ST8SIA6: variants seen among roughly 807,000 people sequenced by gnomAD.
ST8SIA6 encodes the protein alpha-2,8-sialyltransferase 8F.
ST8SIA6 carries 39 observed loss-of-function variants against 33.6 expected under a neutral mutation model. The observed-to-expected ratio is 1.16, with a 90% CI of 0.90 to 1.52. The LOEUF is 1.52. Among genes scored for constraint, ST8SIA6 ranks in the 40% most tolerant of loss-of-function variants. ST8SIA6 has a pLI of 0.00. For missense variants in ST8SIA6, 441 were observed against 443.8 expected, an observed-to-expected ratio of 0.99 and a Z score of 0.06; for synonymous variants, 172 against 167.2, an observed-to-expected ratio of 1.03 and a Z score of -0.22.
At chr10:17,370,794 G>A (rs1366294446) in intron 3 of ST8SIA6, among the ~76,000 whole-genome samples, 4 of 152,138 alleles carry the variant, frequency 2.6e-5, no homozygotes, top group Non-Finnish European at 5.9e-5. Context: ...TATTTGGGAA[G>A]CACTTGTAAG....
chr10:17,342,144 C>T (rs1003952086), intron 4 of ST8SIA6, among the ~76,000 whole-genome samples: 1 of 152,144 alleles, frequency 6.6e-6, no homozygotes, highest in Admixed American at 6.5e-5. Context: ...CAATTCAGCC[C>T]ACATTCACTG....
chr10:17,380,641 G>A (rs1326382619), intron 3 of ST8SIA6, among the ~76,000 whole-genome samples: 1 of 152,210 alleles, frequency 6.6e-6, no homozygotes, highest in African/African-American at 2.4e-5. Flanking sequence ...GCAGCATTTT[G>A]TCCTAGCTGA....
intron 2 of ST8SIA6, among the ~76,000 whole-genome samples, chr10:17,423,172 A>C (rs1851831176): frequency 6.6e-6 from 1 of 152,226 alleles, no homozygotes; most frequent in Non-Finnish European, 1.5e-5. Flanking sequence ...TTGAAACTGC[A>C]CCAGAAACAG....
intron 2 of ST8SIA6, among the ~76,000 whole-genome samples, chr10:17,416,700 C>G (rs552362369): frequency 1.4e-4 from 22 of 152,294 alleles, no homozygotes; most frequent in Non-Finnish European, 1.3e-4. Flanking sequence ...CACATCAGCT[C>G]TTGTCTGGAT....
intron 3 of ST8SIA6, among the ~76,000 whole-genome samples, chr10:17,365,866 T>C (rs1437869569): frequency 1.3e-5 from 2 of 152,234 alleles, no homozygotes; most frequent in African/African-American, 4.8e-5. Flanking sequence ...CAGCCATTTT[T>C]CATCCATTGA....
At chr10:17,428,406 T>C (rs1268895902) in intron 2 of ST8SIA6, among the ~76,000 whole-genome samples, 1 of 152,094 alleles carries the variant, frequency 6.6e-6, no homozygotes, top group Admixed American at 6.6e-5. Flanking sequence ...TATATGACCC[T>C]CCATAAATGC....
intron 2 of ST8SIA6, among the ~76,000 whole-genome samples, chr10:17,398,953 A>G (rs1850928440): frequency 6.6e-6 from 1 of 152,162 alleles, no homozygotes; most frequent in African/African-American, 2.4e-5. Flanking sequence ...CACATACACC[A>G]TGTAGTTTTC....
chr10:17,347,361 G>T (rs1435679545), intron 4 of ST8SIA6, among the ~76,000 whole-genome samples: 4 of 152,160 alleles, frequency 2.6e-5, no homozygotes, highest in African/African-American at 9.7e-5. Context: ...CAAGGGTCAT[G>T]CAGGGCTTTC....
chr10:17,444,737 G>A (rs112331046), intron 2 of ST8SIA6, among the ~76,000 whole-genome samples: 2 of 152,188 alleles, frequency 1.3e-5, no homozygotes, highest in African/African-American at 4.8e-5. Context: ...AACCTGGGAA[G>A]CAAATGTGAA....
chr10:17,419,814 A>C (rs75527451), intron 2 of ST8SIA6, among the ~76,000 whole-genome samples: 22 of 152,248 alleles, frequency 1.4e-4, no homozygotes, highest in African/African-American at 5.3e-4. Context: ...TTTTCCTACA[A>C]TCTTCTTACA....
chr10:17,379,417 G>A (rs148757281), intron 3 of ST8SIA6, among the ~76,000 whole-genome samples: 3 of 152,090 alleles, frequency 2.0e-5, no homozygotes, highest in South Asian at 4.1e-4. Flanking sequence ...CAGGAGTGTC[G>A]GGTCACACCT....
In ST8SIA6 at chr10:17,333,682, T is replaced by TATATAG. The variant is rs1564404731; in HGVS notation, c.378-2131_378-2130insCTATAT. Among the ~76,000 whole-genome samples the TATATAG allele has an allele frequency of 2.8e-3, 46 of 16,572 alleles. 3 individuals are homozygous for TATATAG. The highest frequency in any genetic ancestry group is 6.7e-3 in the African/African-American group (25 of 3,746). The allele number at this position is 16,572 out of a possible 152,430, so 10.9% of individuals were successfully genotyped here. The stretch of plus-strand genomic sequence containing the variant: ...AATAAATGGTGCTGGGATATATATA[T>TATATAG]ATATATATATATATATATATATATA... On this transcript the variant is annotated intron_variant, in intron 4 of 7. Coordinates refer to ENST00000377602, the MANE Select transcript of ST8SIA6 (RefSeq NM_001004470.3).
intron 3 of ST8SIA6, among the ~76,000 whole-genome samples, chr10:17,389,126 G>A (rs896092632): frequency 3.3e-5 from 5 of 151,968 alleles, no homozygotes; most frequent in Admixed American, 6.6e-5. Context: ...TCCCTGATTC[G>A]CTCCAGCCTG....
intron 3 of ST8SIA6, among the ~76,000 whole-genome samples, chr10:17,381,398 C>A (rs898213799): frequency 1.3e-5 from 2 of 152,060 alleles, no homozygotes; most frequent in South Asian, 2.1e-4. Context: ...ATGCCTAATA[C>A]GTCTTTATAT....
chr10:17,386,495 C>T (rs1378651132), intron 3 of ST8SIA6, among the ~76,000 whole-genome samples: 1 of 151,946 alleles, frequency 6.6e-6, no homozygotes, highest in Non-Finnish European at 1.5e-5. Flanking sequence ...GTCGACATCG[C>T]ACCACTGCAC....
At chr10:17,374,741 A>T (rs1192258850) in intron 3 of ST8SIA6, among the ~76,000 whole-genome samples, 7 of 88,520 alleles carry the variant, frequency 7.9e-5, no homozygotes, top group African/African-American at 1.5e-4. Context: ...TAAATAAATA[A>T]ATAAATAATA....
At chr10:17,360,545 T>C (rs1849345965) in intron 3 of ST8SIA6, among the ~76,000 whole-genome samples, 1 of 146,914 alleles carries the variant, frequency 6.8e-6, no homozygotes, top group Non-Finnish European at 1.5e-5. Flanking sequence ...GGCTTATATA[T>C]GTAGACATAA....
chr10:17,382,788 A>G (rs1320685349), intron 3 of ST8SIA6, among the ~76,000 whole-genome samples: 2 of 152,240 alleles, frequency 1.3e-5, no homozygotes, highest in African/African-American at 2.4e-5. Context: ...CTACTGTGAA[A>G]GAGGTGGGCC....
chr10:17,377,144 GTGACATTCCTTCT>G (rs1266791656), intron 3 of ST8SIA6, among the ~76,000 whole-genome samples: 6 of 152,156 alleles, frequency 3.9e-5, no homozygotes, highest in African/African-American at 1.4e-4. Context: ...AGTTGACCTT[GTGACATTCCTTCT>G]CCTGGACAGT....
Sources: allele counts gnomAD v4.1 joint callset (sites outside exome capture counted in the v4.1 genomes callset), GRCh38; gene constraint gnomAD v4.1.1; transcripts MANE v1.5; gene names NCBI Gene and HGNC (gene_info 2026-07-23, HGNC 2026-07-21).